MEP1A: variants seen among roughly 807,000 people sequenced by gnomAD.
The protein encoded by MEP1A is meprin A subunit alpha.
A neutral mutation model predicts 84.5 loss-of-function variants in MEP1A; 68 were observed. The ratio of observed to expected loss-of-function variants is 0.80; its 90% CI spans 0.66 to 0.98. MEP1A has a LOEUF of 0.98. Ranked by LOEUF, MEP1A falls within the 50% of genes least tolerant of loss-of-function variation. MEP1A has a pLI of 0.00. For synonymous variants in MEP1A, 337 were observed against 336.8 expected (o/e 1.00, Z -0.01); for missense variants, 887 against 919.9 (o/e 0.96, Z 0.46).
chr6:46,828,271 A>G (rs1767994521), intron 9 of MEP1A, among the ~76,000 whole-genome samples: 1 of 150,908 alleles, frequency 6.6e-6, no homozygotes. Context: ...CATTCAATAT[A>G]TAATTATAAT....
At chr6:46,831,882 G>A (rs1768085436) in intron 10 of MEP1A, among the ~76,000 whole-genome samples, 1 of 152,100 alleles carries the variant, frequency 6.6e-6, no homozygotes, top group Admixed American at 6.5e-5. Flanking sequence ...TGTTACAGAG[G>A]TGGTCGTGTG....
chr6:46,825,677 G>GT (rs11422480), intron 8 of MEP1A, among the ~76,000 whole-genome samples, 184 bp downstream of exon 8: 45,606 of 151,984 alleles, frequency 0.3, 7,430 homozygotes, highest in Middle Eastern at 0.38. Context: ...GTCTATGGCT[G>GT]TTTTTGCGCT....
intron 10 of MEP1A, among the ~76,000 whole-genome samples, chr6:46,831,492 C>T (rs915160854): frequency 1.1e-4 from 17 of 152,132 alleles, no homozygotes; most frequent in African/African-American, 2.4e-4. Flanking sequence ...CTCAAACAAT[C>T]GTAGTAGCAT....
chr6:46,801,342 G>T (rs984609279), intron 5 of MEP1A, among the ~76,000 whole-genome samples: 1 of 151,966 alleles, frequency 6.6e-6, no homozygotes, highest in Non-Finnish European at 1.5e-5. Context: ...ATCTCCCTAC[G>T]ATTTTAATTT....
chr6:46,829,544 A>C lies in MEP1A; in HGVS notation c.1117A>C (p.Lys373Gln). The C allele has an allele frequency of 6.2e-7, 1 of 1,614,132 alleles. No homozygotes were observed. The change falls in exon 10 of 14, where the codon AAG becomes CAG. Residue 373 changes from lysine (K) to glutamine (Q), a missense_variant. Lys to Gln is a moderately conservative substitution (Grantham distance 53). Coordinates refer to ENST00000230588, the MANE Select transcript of MEP1A (RefSeq NM_005588.3). ...RRDDSTGNVR[K>Q]LVKVQTFQGD... is the part of the protein sequence containing the mutation. ...GGATGACAGCACAGGCAATGTTCGC[A>C]AGTTGGTGAAGGTGCAGACTTTTCA...
chr6:46,810,989 T>C (rs996215961), intron 6 of MEP1A, among the ~76,000 whole-genome samples: 1 of 152,134 alleles, frequency 6.6e-6, no homozygotes, highest in African/African-American at 2.4e-5. Context: ...GGATGGTTTT[T>C]CCAGGTCTGT....
intron 10 of MEP1A, among the ~76,000 whole-genome samples, chr6:46,830,907 T>A (rs2150755353): frequency 6.6e-6 from 1 of 152,346 alleles, no homozygotes; most frequent in African/African-American, 2.4e-5. Context: ...TACCAAGGAT[T>A]GTAAATATTT....
intron 3 of MEP1A, among the ~76,000 whole-genome samples, chr6:46,794,679 G>T (rs1767011336): frequency 6.6e-6 from 1 of 152,246 alleles, no homozygotes; most frequent in Non-Finnish European, 1.5e-5. Flanking sequence ...CATAGGCAGA[G>T]CAGAAATAGT....
intron 6 of MEP1A, among the ~76,000 whole-genome samples, chr6:46,810,245 G>A (rs1033482642): frequency 6.6e-6 from 1 of 151,988 alleles, no homozygotes; most frequent in African/African-American, 2.4e-5. Context: ...TCATATGCCT[G>A]TTGGCCATTT....
chr6:46,838,397 C>T (rs189068701), intron 13 of MEP1A, among the ~76,000 whole-genome samples: 5 of 152,300 alleles, frequency 3.3e-5, no homozygotes, highest in African/African-American at 1.2e-4. Context: ...CCATTATGTG[C>T]TTACTCTGTG....
In MEP1A at chr6:46,835,468, A is replaced by T. The variant is rs534741803; in HGVS notation, c.2003A>T (p.Gln668Leu). ...TGPLEDHNWP[Q>L]YFRDPCDPNP... is the part of the protein sequence containing the mutation. The stretch of plus-strand genomic sequence containing the variant: ...CCCCTGGAGGACCATAACTGGCCAC[A>T]GTACTTCAGAGACCCATGTGACCCA... Residue 668 changes from glutamine to leucine, a missense_variant, in exon 13 of 14, where the codon CAG (glutamine) becomes CTG (leucine). Coordinates refer to ENST00000230588, the MANE Select transcript of MEP1A (RefSeq NM_005588.3). 1 of 1,613,254 alleles carries T rather than the reference A, an allele frequency of 6.2e-7. No homozygotes were observed. The highest frequency in any genetic ancestry group is 2.2e-5 in the East Asian group (1 of 44,862).
At chr6:46,831,582 C>T (rs1768076738) in intron 10 of MEP1A, among the ~76,000 whole-genome samples, 2 of 152,164 alleles carry the variant, frequency 1.3e-5, no homozygotes, top group South Asian at 4.1e-4. Context: ...TGAATTTCTG[C>T]CTATGTGGTA....
chr6:46,799,447 C>A (rs1225526433), intron 5 of MEP1A, among the ~76,000 whole-genome samples: 3 of 152,146 alleles, frequency 2.0e-5, no homozygotes, highest in East Asian at 1.9e-4. Flanking sequence ...CATAAAAGAG[C>A]AAAACCTAAT....
chr6:46,824,644 TA>T (rs1202816526), intron 7 of MEP1A, among the ~76,000 whole-genome samples: 48 of 131,896 alleles, frequency 3.6e-4, no homozygotes, highest in African/African-American at 1.4e-3. Flanking sequence ...TAAATAAATG[TA>T]TTTAAATTTA....
intron 9 of MEP1A, among the ~76,000 whole-genome samples, chr6:46,828,745 C>A (rs958710949): frequency 3.3e-5 from 5 of 152,198 alleles, no homozygotes; most frequent in Non-Finnish European, 7.4e-5. Context: ...AGACACTTTT[C>A]ACCCTCTTCA....
At chr6:46,845,036 G>A in the MEP1A span, among the ~76,000 whole-genome samples, 1 of 152,144 alleles carries the variant, frequency 6.6e-6, no homozygotes, top group Non-Finnish European at 1.5e-5. Flanking sequence ...CTTCCCCTTT[G>A]CCTTCCACTG....
Position 46,833,055 on chromosome 6 carries a change from C to T in MEP1A, c.1145-19C>T, listed in dbSNP as rs376794493. 15 of 1,414,206 alleles carry T rather than the reference C, an allele frequency of 1.1e-5. No homozygotes were observed. In the African/African-American group the frequency reaches 2.2e-4, roughly 20 times the overall value. 87.6% of individuals were successfully genotyped at this position (1,414,206 alleles called of 1,614,324 possible). On this transcript the variant is annotated intron_variant, in intron 10 of 13. Coordinates refer to ENST00000230588, the MANE Select transcript of MEP1A (RefSeq NM_005588.3). The stretch of plus-strand genomic sequence containing the variant: ...AAGTGTTGGTCACAGTTCTCACCAG[C>T]CTTGTTCTCTGTCCTCAGGAGATGA...
intron 7 of MEP1A, among the ~76,000 whole-genome samples, chr6:46,824,720 AAT>A (rs1235396581): frequency 2.5e-5 from 3 of 121,996 alleles, no homozygotes; most frequent in African/African-American, 6.5e-5. Context: ...GATGTATTTA[AAT>A]ATATATAAAT....
At chr6:46,809,668 T>G in intron 6 of MEP1A, 131 bp downstream of exon 6, 5 of 618,596 alleles carry the variant, frequency 8.1e-6, no homozygotes, top group Non-Finnish European at 1.5e-5. Context: ...CTCCCACATA[T>G]GAGTGAGAAC....
Sources: gnomAD v4.1 joint callset for allele counts (sites outside exome capture counted in the v4.1 genomes callset) on GRCh38, gnomAD v4.1.1 for gene constraint, MANE v1.5 for transcripts, NCBI Gene and HGNC (gene_info 2026-07-23, HGNC 2026-07-21) for gene names.